Variants in CRB1 observed in about 807,000 individuals in gnomAD.
CRB1 encodes the protein crumbs cell polarity complex component 1.
CRB1 carries 83 observed loss-of-function variants against 120.0 expected under a neutral mutation model. That is an observed-to-expected ratio of 0.69 (90% CI 0.58 to 0.83). The LOEUF (loss-of-function observed/expected upper bound fraction) is 0.83. Ranked by LOEUF, CRB1 falls within the 40% of genes least tolerant of loss-of-function variation. The probability of loss-of-function intolerance (pLI) is 0.00; values close to 1 mark genes in which losing one functional copy is unlikely to be tolerated. For missense variants in CRB1, 1,699 were observed against 1,687.6 expected (o/e 1.01, Z -0.12); for synonymous variants, 625 against 612.5 (o/e 1.02, Z -0.30).
At position 197,327,538 on chromosome 1, in the gene CRB1, T is replaced by C. The variant is rs571336565; in HGVS notation, c.71-884T>C. 7.9e-5 allele frequency among the ~76,000 whole-genome samples: 12 copies of C among 152,086 alleles called. No individual in the cohort carries two copies. In the East Asian group the frequency reaches 2.1e-3, roughly 27 times the overall value. On this transcript the variant is annotated intron_variant, in intron 1 of 11. Coordinates refer to ENST00000367400, the MANE Select transcript of CRB1 (RefSeq NM_201253.3). The stretch of plus-strand genomic sequence containing the variant: ...TAGAAAATACATACACACAGATGCA[T>C]ACACACACACACAAGAAATATATTT...
intron 2 of CRB1, among the ~76,000 whole-genome samples, chr1:197,333,658 T>C (rs1364318105): frequency 6.6e-6 from 1 of 152,226 alleles, no homozygotes. Flanking sequence ...CTATATTCAA[T>C]GTACTTTTCA....
At chr1:197,326,408 G>T (rs1658492356) in intron 1 of CRB1, among the ~76,000 whole-genome samples, 1 of 152,048 alleles carries the variant, frequency 6.6e-6, no homozygotes. Context: ...CGGGCAGATT[G>T]CCTGAGCTCA....
At chr1:197,434,679 T>C (rs202157545) in intron 8 of CRB1, 27 bp from the exon 9 acceptor site, 57 of 1,585,630 alleles carry the variant, frequency 3.6e-5, no homozygotes, top group Non-Finnish European at 4.9e-5. Context: ...AATAAAGTTA[T>C]TGATTATTAT....
At chr1:197,446,358 G>A (rs1431782173) in intron 11 of CRB1, among the ~76,000 whole-genome samples, 1 of 152,140 alleles carries the variant, frequency 6.6e-6, no homozygotes, top group East Asian at 1.9e-4. Flanking sequence ...GAGGGAGTTA[G>A]GCTGTGGAAG....
chr1:197,347,372 C>G lies in CRB1; in HGVS notation c.881C>G (p.Thr294Arg), dbSNP rs1659837713. Residue 294 changes from threonine to arginine, a missense_variant, in exon 4 of 12, where the codon ACA becomes AGA. Transcript: ENST00000367400. ...YSCNCTGSGF[T>R]GTHCETLMPL... is the part of the protein sequence containing the mutation. ...TGTAACTGCACGGGTAGTGGATTCA[C>G]AGGGACACACTGTGAGACCTTGATG... is the stretch of plus-strand genomic sequence containing the variant. The G allele has an allele frequency of 6.2e-7, 1 of 1,613,958 alleles. No homozygotes were observed. The highest frequency in any genetic ancestry group is 1.3e-5 in the African/African-American group (1 of 75,036).
At chr1:197,312,053 A>C (rs947231653) in intron 1 of CRB1, among the ~76,000 whole-genome samples, 15 of 152,110 alleles carry the variant, frequency 9.9e-5, no homozygotes, top group Admixed American at 2.0e-4. Flanking sequence ...CACATCATAG[A>C]TTTTCCCATA....
intron 7 of CRB1, chr1:197,429,215 G>T (rs1664751327): frequency 6.7e-7 from 1 of 1,485,122 alleles, no homozygotes; most frequent in Non-Finnish European, 8.9e-7. Context: ...CTTGTGCTAT[G>T]GATCAATTTT....
chr1:197,345,339 G>A (rs757382875), intron 3 of CRB1, among the ~76,000 whole-genome samples: 22 of 151,942 alleles, frequency 1.4e-4, no homozygotes, highest in Admixed American at 3.3e-4. Context: ...GAAGACGCCC[G>A]CAAGTTCACA....
the CRB1 span, among the ~76,000 whole-genome samples, chr1:197,261,639 A>C: frequency 2.0e-5 from 3 of 152,236 alleles, no homozygotes; most frequent in Non-Finnish European, 2.9e-5. Flanking sequence ...ACAAATAACA[A>C]TGATTACTTC....
At chr1:197,459,841 T>C (rs760024753) in intron 11 of CRB1, among the ~76,000 whole-genome samples, 3 of 152,218 alleles carry the variant, frequency 2.0e-5, no homozygotes, top group African/African-American at 4.8e-5. Context: ...TATAATGTTA[T>C]GTAGACAGAA....
intron 1 of CRB1, among the ~76,000 whole-genome samples, chr1:197,269,820 A>G (rs1654808658): frequency 6.6e-6 from 1 of 152,216 alleles, no homozygotes. Flanking sequence ...AAAGTATAGT[A>G]ACTATGAATT....
At chr1:197,444,914 C>CACAT (rs67051646) in intron 11 of CRB1, 3 of 151,626 alleles carry the variant, frequency 2.0e-5, no homozygotes, top group African/African-American at 7.3e-5. Context: ...CATACACACA[C>CACAT]ACACACACAC....
chr1:197,224,022 A>G, the CRB1 span, among the ~76,000 whole-genome samples: 1 of 152,158 alleles, frequency 6.6e-6, no homozygotes, highest in African/African-American at 2.4e-5. Flanking sequence ...TTCATCCTGT[A>G]GAATATTAAG....
At chr1:197,304,414 G>A (rs569218993) in intron 1 of CRB1, 1 of 978,628 alleles carries the variant, frequency 1.0e-6, no homozygotes, top group South Asian at 4.7e-5. Flanking sequence ...CTCAGGAAAG[G>A]TAAATGTATG....
chr1:197,336,578 T>G (rs1659168624), intron 2 of CRB1, among the ~76,000 whole-genome samples: 1 of 152,260 alleles, frequency 6.6e-6, no homozygotes, highest in Non-Finnish European at 1.5e-5. Flanking sequence ...TGAAGTAGTT[T>G]TTATGAATAA....
In CRB1 at chr1:197,273,589, A is replaced by G. The variant is rs148720551; in HGVS notation, c.70+5107A>G. Reference sequence around the variant, plus strand: ...ATAGGAGATCTGGCTCTTCTCTTTCATTTATTTATTTATTCAATTGTTTAT... The same window carrying G: ...ATAGGAGATCTGGCTCTTCTCTTTCGTTTATTTATTTATTCAATTGTTTAT... On this transcript the variant is annotated intron_variant, in intron 1 of 11. Coordinates refer to ENST00000367400, the MANE Select transcript of CRB1 (RefSeq NM_201253.3). Among the ~76,000 whole-genome samples, 1,303 of 152,150 alleles carry G rather than the reference A, an allele frequency of 8.6e-3. 18 individuals are homozygous for G. The highest frequency in any genetic ancestry group is 0.03 in the African/African-American group (1,227 of 41,536).
At chr1:197,271,982 TG>T (rs1654934433) in intron 1 of CRB1, among the ~76,000 whole-genome samples, 1 of 152,170 alleles carries the variant, frequency 6.6e-6, no homozygotes, top group African/African-American at 2.4e-5. Flanking sequence ...TTAAAGAGTT[TG>T]GGGTAGCATC....
At chr1:197,459,115 G>A (rs1254576613) in intron 11 of CRB1, among the ~76,000 whole-genome samples, 1 of 152,082 alleles carries the variant, frequency 6.6e-6, no homozygotes, top group Admixed American at 6.6e-5. Flanking sequence ...GATTTTAATA[G>A]ATAAAGAATG....
intron 11 of CRB1, among the ~76,000 whole-genome samples, chr1:197,453,957 T>C (rs1473523807): frequency 7.8e-6 from 1 of 127,874 alleles, no homozygotes; most frequent in East Asian, 2.0e-4. Flanking sequence ...TTATTGATAT[T>C]ATTATATTAT....
Sources: gnomAD v4.1 joint callset for allele counts (sites outside exome capture counted in the v4.1 genomes callset) on GRCh38, gnomAD v4.1.1 for gene constraint, MANE v1.5 for transcripts, NCBI Gene and HGNC (gene_info 2026-07-23, HGNC 2026-07-21) for gene names.